PLEKHG2: variants seen among roughly 807,000 people sequenced by gnomAD.
PLEKHG2 encodes pleckstrin homology domain-containing family G member 2.
Under a neutral mutation model 104.4 loss-of-function variants are expected in PLEKHG2, and 71 were observed. The ratio of observed to expected loss-of-function variants is 0.68; its 90% CI spans 0.56 to 0.83. The LOEUF is 0.83. Ranked by LOEUF, PLEKHG2 falls within the 40% of genes least tolerant of loss-of-function variation. PLEKHG2 has a pLI of 0.00. For missense variants in PLEKHG2, 1,730 were observed against 1,809.4 expected (o/e 0.96, Z 0.80); for synonymous variants, 728 against 737.0 (o/e 0.99, Z 0.20).
intron 11 of PLEKHG2, 119 bp from the exon 12 acceptor site, chr19:39,420,507 G>T: frequency 7.7e-7 from 1 of 1,298,312 alleles, no homozygotes; most frequent in South Asian, 1.2e-5. Context: ...CTGGCGTATA[G>T]AGCAAGATCT....
At chr19:39,419,134 C>T (rs1342010543) in intron 11 of PLEKHG2, 131 bp downstream of exon 11, 7 of 827,284 alleles carry the variant, frequency 8.5e-6, no homozygotes, top group Non-Finnish European at 8.9e-6. Context: ...CAGAATTCCG[C>T]TACTTGGGTT....
Position 39,414,069 on chromosome 19 carries a change from C to G in PLEKHG2, c.-18C>G, listed in dbSNP as rs1351732860. On this transcript the variant is annotated 5_prime_UTR_variant, in exon 2 of 19. Coordinates refer to ENST00000425673, the MANE Select transcript of PLEKHG2 (RefSeq NM_022835.3). ...AAGAAGGGGCTCTTTCTGCAGGACT[C>G]TGCTGGGCCGCTCAGCCATGCCTGA... is the stretch of plus-strand genomic sequence containing the variant. The G allele has an allele frequency of 1.3e-6, 2 of 1,549,302 alleles. No homozygotes were observed. The highest frequency in any genetic ancestry group is 1.4e-5 in the African/African-American group (1 of 72,988).
At chr19:39,414,872 A>C in intron 2 of PLEKHG2, 120 bp from the exon 3 acceptor site, 2 of 1,174,704 alleles carry the variant, frequency 1.7e-6, no homozygotes, top group Non-Finnish European at 1.2e-6. Context: ...GAGAGGAGGA[A>C]GGAGCCTGTG....
In PLEKHG2 at chr19:39,415,316, C is replaced by T; in HGVS notation, c.379-23C>T. On this transcript the variant is annotated intron_variant, in intron 3 of 18. Transcript: ENST00000425673. The surrounding 1 kb of genome is among the most constrained non-coding windows in gnomAD (Gnocchi z 4.6). ...GTACCCAGGCCAGCCCCTTGGCCCC[C>T]ATAACCCCAGTCATCCCAACAGGAC... is the stretch of plus-strand genomic sequence containing the variant. 3 of 1,612,078 alleles carry T rather than the reference C, an allele frequency of 1.9e-6. No individual in the cohort carries two copies. Among genetic ancestry groups the T allele is most frequent in the Non-Finnish European group, 1.7e-6 (2 of 1,178,932 alleles).
intron 14 of PLEKHG2, 29 bp from the exon 15 acceptor site, chr19:39,421,046 C>T (rs771392744): frequency 1.9e-5 from 31 of 1,613,950 alleles, no homozygotes; most frequent in Non-Finnish European, 2.5e-5. Flanking sequence ...GGGAGCTGGG[C>T]TCCTGACATC....
At position 39,425,481 on chromosome 19, in the gene PLEKHG2, C is replaced by A; in HGVS notation, c.*187C>A. ...ACAGGGATGGGGAAGGGAGGAATGT[C>A]ATTAATGTTTTGTTAATACTGATTC... On this transcript the variant is annotated 3_prime_UTR_variant, in exon 19 of 19. Transcript: ENST00000425673. The A allele has an allele frequency of 4.3e-6, 4 of 926,140 alleles. No individual in the cohort carries two copies. Among genetic ancestry groups the A allele is most frequent in the South Asian group, 4.3e-5 (2 of 46,112 alleles). The allele number at this position is 926,140 out of a possible 1,614,324, so 57.4% of individuals were successfully genotyped here.
At position 39,426,830 on chromosome 19, in the gene PLEKHG2, G is replaced by A. The variant is rs1449671898; in HGVS notation, c.*1536G>A. The A allele has an allele frequency of 2.0e-5, 3 of 148,766 alleles. No homozygotes were observed. The highest frequency in any genetic ancestry group is 7.6e-5 in the African/African-American group (3 of 39,700). The allele number at this position is 148,766 out of a possible 1,614,324, so 9.2% of individuals were successfully genotyped here. On this transcript the variant is annotated 3_prime_UTR_variant, in exon 19 of 19. Coordinates refer to ENST00000425673, the MANE Select transcript of PLEKHG2 (RefSeq NM_022835.3). ...TGAATCAGGATCCCCAGGGAAGGAG[G>A]AGCTTGGGAATCTGATTTTTTTTTT...
intron 11 of PLEKHG2, among the ~76,000 whole-genome samples, chr19:39,420,177 T>G (rs1345839488): frequency 1.3e-5 from 2 of 152,082 alleles, no homozygotes; most frequent in Non-Finnish European, 2.9e-5. Context: ...CTGGTCAACA[T>G]GGTGAAACCC....
chr19:39,417,778 A>G, intron 8 of PLEKHG2, 86 bp downstream of exon 8: 1 of 1,525,388 alleles, frequency 6.6e-7, no homozygotes, highest in East Asian at 2.4e-5. Context: ...AGTGCCTCAG[A>G]GGTAGCCTTG....
chr19:39,418,909 A>G lies in PLEKHG2; in HGVS notation c.1177-8A>G, dbSNP rs750285582. On this transcript the variant is annotated splice_polypyrimidine_tract_variant and splice_region_variant and intron_variant, in intron 10 of 18. Coordinates refer to ENST00000425673, the MANE Select transcript of PLEKHG2 (RefSeq NM_022835.3). Reference sequence around the variant, plus strand: ...TGGCCCCCTGACTCTACTCCAACCCACTCCTAGGCCAAGAACCAAGAAGAG... The same window carrying G: ...TGGCCCCCTGACTCTACTCCAACCCGCTCCTAGGCCAAGAACCAAGAAGAG... The G allele has an allele frequency of 8.7e-6, 14 of 1,606,262 alleles. No homozygotes were observed. The highest frequency in any genetic ancestry group is 1.2e-5 in the Non-Finnish European group (14 of 1,175,760).
chr19:39,418,785 G>T lies in PLEKHG2; in HGVS notation c.1135G>T (p.Val379Leu), dbSNP rs760573917. 6.2e-7 allele frequency: 1 copy of T among 1,612,770 alleles called. No homozygotes were observed. Among genetic ancestry groups the T allele is most frequent in the Non-Finnish European group, 8.5e-7 (1 of 1,179,152 alleles). ...ESPRDPLGFK[V>L]SDLTIPKHRH... ...TCCCCGAGACCCTCTAGGGTTCAAG[G>T]TGTCTGATCTGACCATTCCCAAGCA... Residue 379 changes from valine to leucine, a missense_variant, in exon 10 of 19, where the codon GTG becomes TTG. Coordinates refer to ENST00000425673, the MANE Select transcript of PLEKHG2 (RefSeq NM_022835.3).
Position 39,423,950 on chromosome 19 carries a change from T to A in PLEKHG2, c.2817T>A (p.Pro939=). 4 of 1,614,148 alleles carry A rather than the reference T, an allele frequency of 2.5e-6. No individual in the cohort carries two copies. Among genetic ancestry groups the A allele is most frequent in the Non-Finnish European group, 3.4e-6 (4 of 1,179,992 alleles). The stretch of plus-strand genomic sequence containing the variant: ...ACGTTTCAGCTGCTACCCTTTTGCC[T>A]GAGCAAGGAGGTTCCCGGCATGTCC... The part of the protein sequence containing the change: ...GIHVSAATLL[P]EQGGSRHVQA... Residue 939 remains proline (P), a synonymous_variant, in exon 19 of 19, where the codon CCT becomes CCA. Coordinates refer to ENST00000425673, the MANE Select transcript of PLEKHG2 (RefSeq NM_022835.3).
Position 39,425,837 on chromosome 19 carries a change from A to T in PLEKHG2, c.*543A>T, listed in dbSNP as rs191278982. On this transcript the variant is annotated 3_prime_UTR_variant, in exon 19 of 19. Coordinates refer to ENST00000425673, the MANE Select transcript of PLEKHG2 (RefSeq NM_022835.3). ...CACCTATCCATCTGGCTATTGCTCC[A>T]TCTAGCTTTCCCGCTCCATCTACCC... is the stretch of plus-strand genomic sequence containing the variant. 1.5e-3 allele frequency: 235 copies of T among 158,124 alleles called. No homozygotes were observed. Among genetic ancestry groups the T allele is most frequent in the African/African-American group, 5.2e-3 (215 of 41,730 alleles). 9.8% of individuals were successfully genotyped at this position (158,124 alleles called of 1,614,324 possible).
At chr19:39,422,356 T>G in intron 17 of PLEKHG2, 68 bp downstream of exon 17, 1 of 1,514,098 alleles carries the variant, frequency 6.6e-7, no homozygotes, top group Non-Finnish European at 8.9e-7. Context: ...AGGGACCAGA[T>G]AGGCCAGCCC....
intron 9 of PLEKHG2, 116 bp downstream of exon 9, chr19:39,418,221 G>T (rs1047191787): frequency 6.0e-5 from 55 of 923,158 alleles, no homozygotes; most frequent in Admixed American, 4.1e-4. Flanking sequence ...TCTTGAGTTA[G>T]AGAATGGAAG....
chr19:39,415,526 G>T lies in PLEKHG2; in HGVS notation c.479+87G>T. Reference sequence around the variant, plus strand: ...AAACCTCGGAGCTTCGTAGTGTCCTGTCCAGGCTGGTACGTGGGGTTGTGA... The same window carrying T: ...AAACCTCGGAGCTTCGTAGTGTCCTTTCCAGGCTGGTACGTGGGGTTGTGA... On this transcript the variant is annotated intron_variant, in intron 4 of 18. Transcript: ENST00000425673. This position sits in a 1 kb window ranked among gnomAD's most constrained non-coding sequence, Gnocchi z 4.6. 7.1e-7 allele frequency: 1 copy of T among 1,412,124 alleles called. No homozygotes were observed. Among genetic ancestry groups the T allele is most frequent in the Non-Finnish European group, 9.8e-7 (1 of 1,024,806 alleles). The allele number at this position is 1,412,124 out of a possible 1,614,324, so 87.5% of individuals were successfully genotyped here.
rs773266798 is a variant in PLEKHG2, at chr19:39,418,784, G to T, written c.1134G>T (p.Lys378Asn). 1 of 1,612,972 alleles carries T rather than the reference G, an allele frequency of 6.2e-7. No individual in the cohort carries two copies. The highest frequency in any genetic ancestry group is 1.3e-5 in the African/African-American group (1 of 74,838). Residue 378 changes from lysine (K) to asparagine (N), a missense_variant, in exon 10 of 19, where the codon AAG becomes AAT. Coordinates refer to ENST00000425673, the MANE Select transcript of PLEKHG2 (RefSeq NM_022835.3). Reference protein sequence around the residue: ...SESPRDPLGFKVSDLTIPKHR... With the variant: ...SESPRDPLGFNVSDLTIPKHR... ...GTCCCCGAGACCCTCTAGGGTTCAAGGTGTCTGATCTGACCATTCCCAAGC... is the reference window on the plus strand; with the variant it reads ...GTCCCCGAGACCCTCTAGGGTTCAATGTGTCTGATCTGACCATTCCCAAGC...
chr19:39,425,813 A>G lies in PLEKHG2; in HGVS notation c.*519A>G, dbSNP rs2078775610. The G allele has an allele frequency of 6.1e-6, 1 of 162,732 alleles. No individual in the cohort carries two copies. Among genetic ancestry groups the G allele is most frequent in the African/African-American group, 2.4e-5 (1 of 41,822 alleles). The allele number at this position is 162,732 out of a possible 1,614,324, so 10.1% of individuals were successfully genotyped here. A position where few individuals can be genotyped will look rare whatever the true frequency, so the allele number is the denominator to read the frequency against. On this transcript the variant is annotated 3_prime_UTR_variant, in exon 19 of 19. Transcript: ENST00000425673. ...ATCTCACCCACCCTGCCATCTCTCC[A>G]CCTATCCATCTGGCTATTGCTCCAT...
rs1383789829 is a variant in PLEKHG2 at position 39,420,697 on chromosome 19, G to A, written c.1297+38G>A. ...CTTGGGCTGGGAGGGTGTGGAAGTA[G>A]ACGAATTACTTCCAAGAAAAAGTTG... On this transcript the variant is annotated intron_variant, in intron 12 of 18. Transcript: ENST00000425673. 9 of 1,614,130 alleles carry A rather than the reference G, an allele frequency of 5.6e-6. No homozygotes were observed. The East Asian group carries it at 1.3e-4, about 24-fold the overall frequency.
Sources: gnomAD v4.1 joint callset for allele counts (sites outside exome capture counted in the v4.1 genomes callset) on GRCh38, gnomAD v4.1.1 for gene constraint, Gnocchi (gnomAD v3.1) non-coding constraint, MANE v1.5 for transcripts, NCBI Gene and HGNC (gene_info 2026-07-23, HGNC 2026-07-21) for gene names.